The following CSMD3 variants were observed in gnomAD, a reference collection of about 807,000 sequenced individuals.
The protein encoded by CSMD3 is CUB and Sushi multiple domains 3, also known as CUB and sushi domain-containing protein 3.
In CSMD3, 177 loss-of-function variants were observed where a neutral mutation model predicts 435.2. The observed-to-expected ratio is 0.41, with a 90% CI of 0.36 to 0.46. The LOEUF (loss-of-function observed/expected upper bound fraction) is 0.46. Ranked by LOEUF, CSMD3 falls within the 20% of genes least tolerant of loss-of-function variation. The probability of loss-of-function intolerance (pLI) is 0.34; values close to 1 mark genes in which losing one functional copy is unlikely to be tolerated. For synonymous variants in CSMD3, 1,656 were observed against 1,520.5 expected, an observed-to-expected ratio of 1.09 and a Z score of -2.07; for missense variants, 4,265 against 4,504.6, an observed-to-expected ratio of 0.95 and a Z score of 1.52.
At chr8:112,580,800 C>T (rs1349427123) in intron 23 of CSMD3, among the ~76,000 whole-genome samples, 2 of 152,050 alleles carry the variant, frequency 1.3e-5, no homozygotes, top group Non-Finnish European at 2.9e-5. Flanking sequence ...TTGCCACAAA[C>T]AGATAATGCC....
chr8:112,547,813 A>T (rs1342501326), intron 27 of CSMD3, among the ~76,000 whole-genome samples: 1 of 152,134 alleles, frequency 6.6e-6, no homozygotes, highest in Non-Finnish European at 1.5e-5. Context: ...TATGAAATTA[A>T]GAGTTGCTTG....
chr8:113,098,597 T>C, intron 5 of CSMD3, 159 bp downstream of exon 5: 1 of 616,058 alleles, frequency 1.6e-6, no homozygotes, highest in South Asian at 2.0e-5. Context: ...AATAGCTCGA[T>C]CTTCAAAAAT....
At chr8:112,404,167 T>C (rs1381272733) in intron 35 of CSMD3, among the ~76,000 whole-genome samples, 1 of 152,158 alleles carries the variant, frequency 6.6e-6, no homozygotes, top group Non-Finnish European at 1.5e-5. Flanking sequence ...CTAGCACAAT[T>C]GTTGACAATG....
At chr8:113,432,682 A>T (rs368589357) in intron 1 of CSMD3, among the ~76,000 whole-genome samples, 11 of 152,176 alleles carry the variant, frequency 7.2e-5, no homozygotes, top group African/African-American at 2.6e-4. Context: ...GTGCTTTCCG[A>T]ACTCCCCGAG....
intron 28 of CSMD3, among the ~76,000 whole-genome samples, chr8:112,508,845 C>T (rs1319276708): frequency 6.6e-6 from 1 of 152,022 alleles, no homozygotes; most frequent in Non-Finnish European, 1.5e-5. Flanking sequence ...CATCTACTCT[C>T]ACTGTCTCTT....
chr8:112,936,779 C>T (rs2083293158), intron 9 of CSMD3, among the ~76,000 whole-genome samples: 1 of 152,076 alleles, frequency 6.6e-6, no homozygotes, highest in African/African-American at 2.4e-5. Flanking sequence ...AATATACTCA[C>T]ACTACCCAGC....
chr8:112,836,612 C>G (rs1013725729), intron 11 of CSMD3, among the ~76,000 whole-genome samples: 2 of 151,958 alleles, frequency 1.3e-5, no homozygotes, highest in African/African-American at 4.8e-5. Flanking sequence ...GTAATTCTAT[C>G]TGAATGTATT....
intron 27 of CSMD3, among the ~76,000 whole-genome samples, chr8:112,519,773 C>T (rs1418687259): frequency 6.6e-6 from 1 of 152,102 alleles, no homozygotes; most frequent in Admixed American, 6.6e-5. Flanking sequence ...AAGGTGCTTT[C>T]CCAACATCAT....
At chr8:112,848,065 T>C (rs2080377980) in intron 11 of CSMD3, among the ~76,000 whole-genome samples, 1 of 152,156 alleles carries the variant, frequency 6.6e-6, no homozygotes, top group South Asian at 2.1e-4. Flanking sequence ...GGCTGTCCTT[T>C]ACCTGAATTT....
At chr8:112,936,496 G>A (rs1188142820) in intron 9 of CSMD3, among the ~76,000 whole-genome samples, 1 of 152,032 alleles carries the variant, frequency 6.6e-6, no homozygotes, top group Non-Finnish European at 1.5e-5. Flanking sequence ...ATTTTGCAAG[G>A]AAGGGTCTGA....
At chr8:113,231,198 A>G (rs527616267) in intron 3 of CSMD3, among the ~76,000 whole-genome samples, 20 of 151,280 alleles carry the variant, frequency 1.3e-4, no homozygotes, top group South Asian at 6.2e-4. Context: ...TTATTTAACT[A>G]TTTTTCTTTA....
chr8:112,773,255 T>A (rs2078166533), intron 13 of CSMD3, among the ~76,000 whole-genome samples: 1 of 152,056 alleles, frequency 6.6e-6, no homozygotes, highest in Non-Finnish European at 1.5e-5. Context: ...TGATTTAGTA[T>A]CCTTGAAAAA....
At position 112,299,549 on chromosome 8, in the gene CSMD3, T is replaced by C. The variant is rs1025901027; in HGVS notation, c.8440+2244A>G. Among the ~76,000 whole-genome samples the C allele has an allele frequency of 4.6e-5, 7 of 152,186 alleles. No homozygotes were observed. The South Asian group carries it at 1.2e-3, about 27-fold the overall frequency. The stretch of plus-strand genomic sequence containing the variant: ...AAGCAAATATGAAAAAAATGCTAAT[T>C]GTAGAATTAGGTGGTAGGCATATGG... On this transcript the variant is annotated intron_variant, in intron 53 of 70. Coordinates refer to ENST00000297405, the MANE Select transcript of CSMD3 (RefSeq NM_198123.2).
rs968957040 is a variant in CSMD3, at chr8:113,020,948, G to T, written c.918-1769C>A. Among the ~76,000 whole-genome samples the T allele has an allele frequency of 1.6e-4, 25 of 152,274 alleles. 1 individual carries two copies. Among genetic ancestry groups the T allele is most frequent in the Non-Finnish European group, 1.6e-4 (11 of 68,014 alleles). ...AAACCCAACTTTCCTAAGATGTGTG[G>T]GAGCTAGCCACCACTTTTAGTGGAT... On this transcript the variant is annotated intron_variant, in intron 5 of 70. Coordinates refer to ENST00000297405, the MANE Select transcript of CSMD3 (RefSeq NM_198123.2).
At chr8:113,393,915 T>A (rs1290799172) in intron 1 of CSMD3, among the ~76,000 whole-genome samples, 1 of 151,990 alleles carries the variant, frequency 6.6e-6, no homozygotes, top group Non-Finnish European at 1.5e-5. Flanking sequence ...ATTTATAGGA[T>A]CCCACATTTG....
chr8:112,777,611 G>A (rs1252062566), intron 13 of CSMD3, among the ~76,000 whole-genome samples: 1 of 151,770 alleles, frequency 6.6e-6, no homozygotes, highest in Admixed American at 6.6e-5. Flanking sequence ...GAATTGCTTT[G>A]AAAATGCCAT....
chr8:112,613,383 T>C (rs1833413452), intron 22 of CSMD3, among the ~76,000 whole-genome samples: 2 of 152,212 alleles, frequency 1.3e-5, no homozygotes, highest in African/African-American at 2.4e-5. Context: ...AGATTACATA[T>C]ATGGAGTTTT....
At chr8:112,741,992 T>C (rs1358862472) in intron 13 of CSMD3, among the ~76,000 whole-genome samples, 13 of 151,764 alleles carry the variant, frequency 8.6e-5, no homozygotes, top group Admixed American at 8.6e-4. Context: ...TTGACAGAAA[T>C]AAACAGGAAT....
intron 3 of CSMD3, among the ~76,000 whole-genome samples, chr8:113,223,896 T>A (rs1173045509): frequency 6.6e-6 from 1 of 150,876 alleles, no homozygotes; most frequent in Non-Finnish European, 1.5e-5. Context: ...GGCAGGCAAG[T>A]ATACAAGTAA....
Sources: allele counts gnomAD v4.1 joint callset (sites outside exome capture counted in the v4.1 genomes callset), GRCh38; gene constraint gnomAD v4.1.1; transcripts MANE v1.5; gene names NCBI Gene and HGNC (gene_info 2026-07-23, HGNC 2026-07-21).